Variants in ETV1 observed in about 807,000 individuals in gnomAD.
ETV1 encodes ETS variant transcription factor 1, also known as ETS translocation variant 1.
A neutral mutation model predicts 62.3 loss-of-function variants in ETV1; 27 were observed. The ratio of observed to expected loss-of-function variants is 0.43; its 90% confidence interval spans 0.32 to 0.60. The LOEUF is 0.60. Among genes scored for constraint, ETV1 ranks in the 20% least tolerant of loss-of-function variants. ETV1 has a pLI of 0.06. For missense variants in ETV1, 605 were observed against 605.8 expected (o/e 1.00, Z 0.01); for synonymous variants, 222 against 199.6 (o/e 1.11, Z -0.94).
At position 13,931,508 on chromosome 7, in the gene ETV1, C is replaced by T; in HGVS notation, c.796G>A (p.Asp266Asn). 3.1e-6 allele frequency: 5 copies of T among 1,613,970 alleles called. No homozygotes were observed. Among genetic ancestry groups the T allele is most frequent in the Non-Finnish European group, 4.2e-6 (5 of 1,179,860 alleles). ...IKQEPRDFAY[D>N]SEVPSCHSIY... is the part of the protein sequence containing the mutation. Reference sequence around the variant, plus strand: ...GCGCAGAGCGCAGGCCTACCTGAGTCATATGCAAAATCTCTGGGTTCCTGT... The same window carrying T: ...GCGCAGAGCGCAGGCCTACCTGAGTTATATGCAAAATCTCTGGGTTCCTGT... Residue 266 changes from aspartate to asparagine, a missense_variant, in exon 9 of 14, where the codon GAC (aspartate) becomes AAC (asparagine). Physicochemically the swap from Asp to Asn is conservative, Grantham distance 23 (BLOSUM62 1). Transcript: ENST00000430479.
In ETV1 at chr7:13,930,672, G is replaced by A. The variant is rs114102147; in HGVS notation, c.802+830C>T. Among the ~76,000 whole-genome samples the A allele has an allele frequency of 7.9e-3, 1,207 of 152,070 alleles. 16 individuals are homozygous for A. Among genetic ancestry groups the A allele is most frequent in the African/African-American group, 0.025 (1,036 of 41,492 alleles). On this transcript the variant is annotated intron_variant, in intron 9 of 13. Coordinates refer to ENST00000430479, the MANE Select transcript of ETV1 (RefSeq NM_004956.5). ...GAAACCCCACTCCCCCACTTGACCCGCTGCTTTGTACTACTTTCTAGCTCA... is the reference window on the plus strand; with the variant it reads ...GAAACCCCACTCCCCCACTTGACCCACTGCTTTGTACTACTTTCTAGCTCA...
chr7:13,898,026 C>A (rs1562580312), intron 13 of ETV1, among the ~76,000 whole-genome samples: 2 of 152,166 alleles, frequency 1.3e-5, no homozygotes, highest in Non-Finnish European at 2.9e-5. Context: ...CTCAAGGACT[C>A]TGCCTTTCCT....
intron 3 of ETV1, chr7:13,988,636 A>G: frequency 7.7e-6 from 12 of 1,551,584 alleles, no homozygotes; most frequent in Non-Finnish European, 1.0e-5. Context: ...AAAAAGAAAC[A>G]AAAACACCCC....
chr7:13,982,433 A>G (rs908787707), intron 5 of ETV1, among the ~76,000 whole-genome samples: 4 of 152,028 alleles, frequency 2.6e-5, no homozygotes, highest in African/African-American at 9.7e-5. Context: ...CTATTTTTCT[A>G]TTTTTAAAAA....
intron 6 of ETV1, among the ~76,000 whole-genome samples, chr7:13,952,669 C>T (rs993997966): frequency 2.0e-5 from 3 of 151,922 alleles, no homozygotes; most frequent in African/African-American, 7.3e-5. Flanking sequence ...AGTAGGGGAC[C>T]TCCCACATTT....
upstream of ETV1, chr7:13,990,319 T>G (rs970687677): frequency 1.3e-5 from 2 of 152,188 alleles, no homozygotes. Context: ...GGAAGGCACC[T>G]AGGAGATGCA....
chr7:13,947,725 A>C (rs962671410), intron 6 of ETV1, among the ~76,000 whole-genome samples: 10 of 152,318 alleles, frequency 6.6e-5, no homozygotes, highest in Non-Finnish European at 1.2e-4. Flanking sequence ...TGAGATTTTT[A>C]TTCATTCATT....
At chr7:13,946,310 G>T (rs1287286620) in intron 6 of ETV1, among the ~76,000 whole-genome samples, 1 of 152,174 alleles carries the variant, frequency 6.6e-6, no homozygotes, top group East Asian at 1.9e-4. Context: ...ACACTCAAGA[G>T]ATGTGTCTTG....
chr7:13,972,954 C>T (rs1414777026), intron 6 of ETV1, among the ~76,000 whole-genome samples: 2 of 152,128 alleles, frequency 1.3e-5, no homozygotes, highest in African/African-American at 4.8e-5. Context: ...TCAAAGTTAG[C>T]ATCCTTCAAA....
chr7:13,961,038 T>C (rs1055472921), intron 6 of ETV1, among the ~76,000 whole-genome samples: 5 of 151,548 alleles, frequency 3.3e-5, no homozygotes, highest in African/African-American at 1.2e-4. Flanking sequence ...TCCCAGCTAC[T>C]CAAGAGGCTG....
chr7:13,963,911 C>A (rs1246492707), intron 6 of ETV1, among the ~76,000 whole-genome samples: 8 of 152,094 alleles, frequency 5.3e-5, no homozygotes. Flanking sequence ...AATGCAACAG[C>A]CTTTAATCTG....
intron 9 of ETV1, among the ~76,000 whole-genome samples, chr7:13,930,260 G>A (rs1451847888): frequency 6.6e-6 from 1 of 152,116 alleles, no homozygotes; most frequent in Non-Finnish European, 1.5e-5. Context: ...ACTCAGCAGG[G>A]TTAAGTAATT....
At chr7:13,918,585 A>G (rs946642054) in intron 9 of ETV1, among the ~76,000 whole-genome samples, 7 of 151,696 alleles carry the variant, frequency 4.6e-5, no homozygotes, top group Non-Finnish European at 8.8e-5. Flanking sequence ...TTGTAGGGAC[A>G]TGGATGAAAT....
intron 6 of ETV1, among the ~76,000 whole-genome samples, chr7:13,973,802 T>A (rs890667397): frequency 6.6e-6 from 1 of 152,172 alleles, no homozygotes; most frequent in Non-Finnish European, 1.5e-5. Flanking sequence ...ATTCTGAAAA[T>A]ATTTGGTTAA....
intron 5 of ETV1, 158 bp downstream of exon 5, chr7:13,986,480 G>A (rs1042088779): frequency 6.6e-7 from 1 of 1,507,840 alleles, no homozygotes; most frequent in Non-Finnish European, 8.8e-7. Context: ...AGTCCCCAAA[G>A]ACAAACTCAT....
Position 13,919,890 on chromosome 7 carries a change from C to G in ETV1, c.803-8583G>C, listed in dbSNP as rs368418909. Among the ~76,000 whole-genome samples, 187 of 149,336 alleles carry G rather than the reference C, an allele frequency of 1.3e-3. 2 individuals are homozygous for G. Among genetic ancestry groups the G allele is most frequent in the South Asian group, 2.5e-3 (12 of 4,708 alleles). ...ACAAAAACACACAAAGACACACACA[C>G]AGAGAGAGAGAGAGAGAGAGAAGAG... On this transcript the variant is annotated intron_variant, in intron 9 of 13. Transcript: ENST00000430479.
chr7:13,970,275 C>A (rs1373768470), intron 6 of ETV1, among the ~76,000 whole-genome samples: 1,083 of 21,626 alleles, frequency 0.05, 34 homozygotes, highest in African/African-American at 0.12. Context: ...CACACACACA[C>A]ACACACACAC....
chr7:13,911,997 C>T (rs1783614461), intron 9 of ETV1, among the ~76,000 whole-genome samples: 1 of 152,192 alleles, frequency 6.6e-6, no homozygotes, highest in African/African-American at 2.4e-5. Flanking sequence ...TCCCTTAAAG[C>T]AGCTGGGACT....
chr7:13,902,270 GT>G (rs920167455), intron 12 of ETV1, among the ~76,000 whole-genome samples: 12 of 148,258 alleles, frequency 8.1e-5, no homozygotes, highest in South Asian at 6.5e-4. Context: ...CTTTCTCCAG[GT>G]TTTTTTTTTC....
Sources: allele counts gnomAD v4.1 joint callset (sites outside exome capture counted in the v4.1 genomes callset), GRCh38; gene constraint gnomAD v4.1.1; transcripts MANE v1.5; gene names NCBI Gene and HGNC (gene_info 2026-07-23, HGNC 2026-07-21).